Variants in TRPC7 observed in about 807,000 individuals in gnomAD.
TRPC7 encodes transient receptor potential cation channel subfamily C member 7, also known as short transient receptor potential channel 7.
A neutral mutation model predicts 90.1 loss-of-function variants in TRPC7; 42 were observed. That is an observed-to-expected ratio of 0.47 (90% CI 0.36 to 0.60). TRPC7 has a LOEUF of 0.60. TRPC7 is among the 20% of genes least tolerant of loss of function. The probability of loss-of-function intolerance (pLI) is 0.00; values close to 1 mark genes in which losing one functional copy is unlikely to be tolerated. For missense variants in TRPC7, 955 were observed against 1,112.3 expected (o/e 0.86, Z 2.01); for synonymous variants, 451 against 436.3 (o/e 1.03, Z -0.42).
intron 2 of TRPC7, among the ~76,000 whole-genome samples, chr5:136,346,813 C>T (rs116208552): frequency 1.3e-3 from 191 of 152,230 alleles, no homozygotes; most frequent in Non-Finnish European, 1.9e-3. Context: ...CTGGTGCTTA[C>T]CCTAATGTAC....
intron 3 of TRPC7, among the ~76,000 whole-genome samples, chr5:136,306,121 T>C (rs1040630211): frequency 6.6e-6 from 1 of 152,208 alleles, no homozygotes; most frequent in African/African-American, 2.4e-5. Flanking sequence ...CGGTTTACAC[T>C]GTTTCTCCAA....
At chr5:136,215,972 T>A (rs1246900798) in intron 11 of TRPC7, among the ~76,000 whole-genome samples, 1 of 152,128 alleles carries the variant, frequency 6.6e-6, no homozygotes, top group East Asian at 1.9e-4. Context: ...ACAGACCAAG[T>A]GCTGGAGCTC....
At chr5:136,229,854 T>TTC (rs150276042) in intron 8 of TRPC7, among the ~76,000 whole-genome samples, 2,409 of 152,324 alleles carry the variant, frequency 0.016, 51 homozygotes, top group African/African-American at 0.048. Context: ...ATTTCAGATC[T>TTC]TCTCTCCTTT....
At chr5:136,213,862 G>T (rs552084501) in intron 11 of TRPC7, among the ~76,000 whole-genome samples, 1 of 152,200 alleles carries the variant, frequency 6.6e-6, no homozygotes, top group East Asian at 1.9e-4. Flanking sequence ...TTTGAAGGAG[G>T]AGTCAAGATC....
At chr5:136,319,526 C>T (rs1027733181) in intron 2 of TRPC7, among the ~76,000 whole-genome samples, 1 of 152,156 alleles carries the variant, frequency 6.6e-6, no homozygotes, top group Non-Finnish European at 1.5e-5. Flanking sequence ...AATTTTCTGT[C>T]TAATTTTATA....
chr5:136,339,038 T>C (rs1396726040), intron 2 of TRPC7, among the ~76,000 whole-genome samples: 1 of 152,240 alleles, frequency 6.6e-6, no homozygotes, highest in Non-Finnish European at 1.5e-5. Flanking sequence ...ATTTTCATTC[T>C]GCTTAATAAC....
chr5:136,256,957 TGAAAAA>T lies in TRPC7; in HGVS notation c.1346-5081_1346-5076del, dbSNP rs1756705546. Among the ~76,000 whole-genome samples the T allele has an allele frequency of 2.6e-5, 4 of 152,244 alleles. No individual in the cohort carries two copies. The South Asian group carries it at 8.3e-4, about 32-fold the overall frequency. On this transcript the variant is annotated intron_variant, in intron 5 of 11. Coordinates refer to ENST00000513104, the MANE Select transcript of TRPC7 (RefSeq NM_020389.3). ...CAATCGCCTTTGGGGGTCCAGATGC[TGAAAAA>T]GCCTGGTGTCATAGATGATGCTGGG... is the stretch of plus-strand genomic sequence containing the variant.
rs1456071889 is a variant in TRPC7, at chr5:136,302,562, C to A, written c.963+13035G>T. On this transcript the variant is annotated intron_variant, in intron 3 of 11. Coordinates refer to ENST00000513104, the MANE Select transcript of TRPC7 (RefSeq NM_020389.3). ...GGCTGGCCTCCTTCACTATGGGCAACCTTGCACCCTCCATTCCTCCTTCTT... is the reference window on the plus strand; with the variant it reads ...GGCTGGCCTCCTTCACTATGGGCAAACTTGCACCCTCCATTCCTCCTTCTT... Among the ~76,000 whole-genome samples, 4 of 152,068 alleles carry A rather than the reference C, an allele frequency of 2.6e-5. 1 individual carries two copies. Among genetic ancestry groups the A allele is most frequent in the South Asian group, 4.1e-4 (2 of 4,828 alleles).
intron 3 of TRPC7, among the ~76,000 whole-genome samples, chr5:136,286,656 C>T (rs958836458): frequency 7.2e-5 from 11 of 152,190 alleles, no homozygotes; most frequent in African/African-American, 2.7e-4. Flanking sequence ...TCCTGACCTA[C>T]AGAATTGTGA....
intron 8 of TRPC7, among the ~76,000 whole-genome samples, chr5:136,230,561 C>T (rs1041688735): frequency 2.0e-5 from 3 of 152,190 alleles, no homozygotes; most frequent in Admixed American, 6.5e-5. Context: ...ATTTATCCTT[C>T]TTAAAATAGA....
At position 136,357,301 on chromosome 5, in the gene TRPC7, G is replaced by A. The variant is rs1161214998; in HGVS notation, c.87C>T (p.Pro29=). ...EKGRRQAIRG[P]AYMFNEKGTS... ...TGCCCTTCTCGTTGAACATGTAGGC[G>A]GGACCCCGGATGGCCTGGCGACGGC... The change falls in exon 2 of 12, where the codon CCC becomes CCT. Residue 29 remains proline, a synonymous_variant. Transcript: ENST00000513104. 4 of 1,611,154 alleles carry A rather than the reference G, an allele frequency of 2.5e-6. No homozygotes were observed. The highest frequency in any genetic ancestry group is 1.7e-5 in the Admixed American group (1 of 60,004).
At chr5:136,224,837 C>T (rs891456232) in intron 10 of TRPC7, among the ~76,000 whole-genome samples, 2 of 152,256 alleles carry the variant, frequency 1.3e-5, no homozygotes, top group Non-Finnish European at 2.9e-5. Context: ...CCACCCTTCT[C>T]TTCCTCTGCC....
intron 2 of TRPC7, among the ~76,000 whole-genome samples, chr5:136,331,260 A>G (rs1759491316): frequency 6.6e-6 from 1 of 152,180 alleles, no homozygotes; most frequent in Non-Finnish European, 1.5e-5. Context: ...CTTCATCCAC[A>G]AAGTATGCCT....
chr5:136,219,869 A>T (rs1008741241), intron 10 of TRPC7, among the ~76,000 whole-genome samples: 2 of 152,238 alleles, frequency 1.3e-5, no homozygotes, highest in Non-Finnish European at 2.9e-5. Flanking sequence ...GCCACCAGAA[A>T]GCCTGAAATG....
At chr5:136,263,619 GA>G (rs1275457524) in intron 5 of TRPC7, among the ~76,000 whole-genome samples, 11 of 151,440 alleles carry the variant, frequency 7.3e-5, no homozygotes, top group African/African-American at 2.2e-4. Flanking sequence ...ATATAAAAGA[GA>G]ACCAAATAAG....
At chr5:136,338,774 C>A (rs549991663) in intron 2 of TRPC7, among the ~76,000 whole-genome samples, 2 of 152,148 alleles carry the variant, frequency 1.3e-5, no homozygotes, top group African/African-American at 2.4e-5. Flanking sequence ...AAATGGGACC[C>A]TATCTTGGAT....
At chr5:136,330,426 G>A (rs1370768044) in intron 2 of TRPC7, among the ~76,000 whole-genome samples, 1 of 152,122 alleles carries the variant, frequency 6.6e-6, no homozygotes, top group African/African-American at 2.4e-5. Context: ...GGTGGCAGCT[G>A]GGATCTGGAT....
intron 2 of TRPC7, 196 bp from the exon 3 acceptor site, chr5:136,315,975 A>AT (rs1245468619): frequency 2.0e-5 from 12 of 590,082 alleles, no homozygotes; most frequent in East Asian, 2.8e-5. Flanking sequence ...CCTGAAGGAC[A>AT]TTTTCTCTAG....
chr5:136,365,101 C>G lies in TRPC7; in HGVS notation c.2+152G>C, dbSNP rs534001269. Among the ~76,000 whole-genome samples, 7 of 152,042 alleles carry G rather than the reference C, an allele frequency of 4.6e-5. No individual in the cohort carries two copies. In the East Asian group the frequency reaches 1.4e-3, roughly 29 times the overall value. ...AAAAAAATTTCTTCTACCAACTCAA[C>G]AAATAAGAAAGATCTCAGATCCATC... On this transcript the variant is annotated intron_variant, in intron 1 of 11. Transcript: ENST00000513104.
Sources: gnomAD v4.1 joint callset for allele counts (sites outside exome capture counted in the v4.1 genomes callset) on GRCh38, gnomAD v4.1.1 for gene constraint, MANE v1.5 for transcripts, NCBI Gene and HGNC (gene_info 2026-07-23, HGNC 2026-07-21) for gene names.